The following SNAP91 variants were observed in gnomAD, a reference collection of about 807,000 sequenced individuals.
SNAP91 encodes the protein synaptosome associated protein 91.
A neutral mutation model predicts 100.3 loss-of-function variants in SNAP91; 27 were observed. That is an observed-to-expected ratio of 0.27 (90% CI 0.20 to 0.37). The LOEUF (loss-of-function observed/expected upper bound fraction) is 0.37. SNAP91 is among the 10% of genes least tolerant of loss of function. SNAP91 has a pLI of 1.00. For synonymous variants in SNAP91, 404 were observed against 398.6 expected (o/e 1.01, Z -0.16); for missense variants, 986 against 1,123.7 (o/e 0.88, Z 1.75).
intron 9 of SNAP91, 125 bp downstream of exon 9, chr6:83,623,176 T>C (rs1363564282): frequency 1.1e-5 from 7 of 653,336 alleles, no homozygotes; most frequent in Non-Finnish European, 1.9e-5. Flanking sequence ...TAGAATAATT[T>C]CCAAGAAAGT....
intron 2 of SNAP91, among the ~76,000 whole-genome samples, chr6:83,670,634 T>C (rs2098768543): frequency 6.6e-6 from 1 of 152,006 alleles, no homozygotes; most frequent in Non-Finnish European, 1.5e-5. Context: ...TTTATAGTTT[T>C]AGGGTTGTAC....
chr6:83,587,554 C>A (rs1042836991), intron 22 of SNAP91, among the ~76,000 whole-genome samples: 1 of 152,016 alleles, frequency 6.6e-6, no homozygotes, highest in Non-Finnish European at 1.5e-5. Context: ...GATCCCTCCC[C>A]CAAATAAACA....
chr6:83,675,869 A>G (rs2098871673), intron 2 of SNAP91, among the ~76,000 whole-genome samples: 1 of 47,586 alleles, frequency 2.1e-5, no homozygotes, highest in African/African-American at 7.5e-5. Flanking sequence ...CAGAGTTATA[A>G]TTAGATTCAC....
chr6:83,697,826 A>C (rs1365904701), intron 2 of SNAP91, among the ~76,000 whole-genome samples: 1 of 152,194 alleles, frequency 6.6e-6, no homozygotes, highest in Non-Finnish European at 1.5e-5. Flanking sequence ...GGAAATATGA[A>C]GCATAATAAA....
chr6:83,649,668 G>A (rs1432571854), intron 7 of SNAP91, among the ~76,000 whole-genome samples: 1 of 151,774 alleles, frequency 6.6e-6, no homozygotes, highest in Admixed American at 6.6e-5. Context: ...TGCAACCTCT[G>A]CCTCCCAGCT....
intron 2 of SNAP91, chr6:83,678,739 C>T (rs937895532): frequency 7.8e-7 from 1 of 1,289,186 alleles, no homozygotes; most frequent in African/African-American, 1.5e-5. Flanking sequence ...CACCATCTCC[C>T]AGCATTATCC....
chr6:83,621,872 C>T (rs2128403805), intron 9 of SNAP91, among the ~76,000 whole-genome samples: 1 of 152,082 alleles, frequency 6.6e-6, no homozygotes, highest in East Asian at 1.9e-4. Flanking sequence ...TTCTAAATAT[C>T]AGAGCTAAAT....
chr6:83,619,120 A>AC (rs1197798454), intron 9 of SNAP91, among the ~76,000 whole-genome samples: 1 of 152,028 alleles, frequency 6.6e-6, no homozygotes. Context: ...TCACAAAAAA[A>AC]AAATCACAAT....
intron 8 of SNAP91, among the ~76,000 whole-genome samples, chr6:83,633,156 C>T (rs2097279609): frequency 6.6e-6 from 1 of 152,158 alleles, no homozygotes; most frequent in South Asian, 2.1e-4. Flanking sequence ...TATCTCTCTT[C>T]TGGATCTAGC....
intron 14 of SNAP91, 145 bp downstream of exon 14, chr6:83,605,540 A>G: frequency 9.4e-7 from 1 of 1,058,582 alleles, no homozygotes; most frequent in Non-Finnish European, 1.4e-6. Context: ...TATTTCAATC[A>G]ATAAATGCCA....
chr6:83,635,616 T>C (rs1477089529), intron 8 of SNAP91, among the ~76,000 whole-genome samples: 2 of 152,014 alleles, frequency 1.3e-5, no homozygotes, highest in Non-Finnish European at 2.9e-5. Context: ...AGTACATCTT[T>C]TTTTTTAATC....
intron 22 of SNAP91, among the ~76,000 whole-genome samples, chr6:83,586,481 T>C (rs1257361781): frequency 6.6e-6 from 1 of 152,184 alleles, no homozygotes; most frequent in Non-Finnish European, 1.5e-5. Flanking sequence ...TGGAAAAACA[T>C]GGTTGTCCTG....
Position 83,658,956 on chromosome 6 carries a change from C to A in SNAP91, c.546+43G>T, listed in dbSNP as rs1172843491. 6 of 1,424,032 alleles carry A rather than the reference C, an allele frequency of 4.2e-6. No homozygotes were observed. In the South Asian group the frequency reaches 6.2e-5, roughly 15 times the overall value. The allele number at this position is 1,424,032 out of a possible 1,614,324, so 88.2% of individuals were successfully genotyped here. A position where few individuals can be genotyped will look rare whatever the true frequency, so the allele number is the denominator to read the frequency against. ...CTGTAGCCCATCTTCAAATGAAAGA[C>A]AACATTGATTGTGTATGAAACATTT... On this transcript the variant is annotated intron_variant, in intron 6 of 29. Coordinates refer to ENST00000369694, the MANE Select transcript of SNAP91 (RefSeq NM_001242792.2).
At position 83,649,881 on chromosome 6, in the gene SNAP91, G is replaced by A. The variant is rs1391820687; in HGVS notation, c.658+6873C>T. On this transcript the variant is annotated intron_variant, in intron 7 of 29. Coordinates refer to ENST00000369694, the MANE Select transcript of SNAP91 (RefSeq NM_001242792.2). ...TGGGATTACAGGCGTGAGCCACCAC[G>A]CCCAGCCAATTCATACCTTTTTAGG... Among the ~76,000 whole-genome samples, 12 of 152,104 alleles carry A rather than the reference G, an allele frequency of 7.9e-5. No individual in the cohort carries two copies. The East Asian group carries it at 1.5e-3, about 20-fold the overall frequency.
intron 23 of SNAP91, 71 bp downstream of exon 23, chr6:83,582,151 A>G: frequency 6.6e-7 from 1 of 1,514,464 alleles, no homozygotes; most frequent in South Asian, 1.3e-5. Flanking sequence ...CTGATAGCAT[A>G]CTAACCTTAG....
intron 9 of SNAP91, among the ~76,000 whole-genome samples, chr6:83,622,981 CTT>C (rs1421849602): frequency 6.6e-6 from 1 of 152,098 alleles, no homozygotes; most frequent in Non-Finnish European, 1.5e-5. Flanking sequence ...GAAATAGTGA[CTT>C]TTCATAGCCA....
At chr6:83,611,446 A>C (rs946438532) in intron 11 of SNAP91, 1 of 456,090 alleles carries the variant, frequency 2.2e-6, no homozygotes, top group Non-Finnish European at 4.4e-6. Flanking sequence ...ACATTTTACT[A>C]ACTTCAGTTA....
At chr6:83,655,102 T>C (rs2098360212) in intron 7 of SNAP91, among the ~76,000 whole-genome samples, 1 of 152,188 alleles carries the variant, frequency 6.6e-6, no homozygotes, top group African/African-American at 2.4e-5. Context: ...ATAAGTCACA[T>C]GCATGTCAAA....
In SNAP91 at chr6:83,576,065, T is replaced by G. The variant is rs1204943559; in HGVS notation, c.2300-12A>C. ...AGAAATTCCAAGATCTATAAATGGA[T>G]AAAAGAAAAAAGAATGTAAATCTCT... On this transcript the variant is annotated splice_polypyrimidine_tract_variant and intron_variant, in intron 24 of 29. Coordinates refer to ENST00000369694, the MANE Select transcript of SNAP91 (RefSeq NM_001242792.2). The G allele has an allele frequency of 7.6e-7, 1 of 1,309,394 alleles. No individual in the cohort carries two copies. The highest frequency in any genetic ancestry group is 1.5e-5 in the African/African-American group (1 of 66,468). 81.1% of individuals were successfully genotyped at this position (1,309,394 alleles called of 1,614,324 possible). A position where few individuals can be genotyped will look rare whatever the true frequency, so the allele number is the denominator to read the frequency against.
Sources: gnomAD v4.1 joint callset for allele counts (sites outside exome capture counted in the v4.1 genomes callset) on GRCh38, gnomAD v4.1.1 for gene constraint, MANE v1.5 for transcripts, NCBI Gene and HGNC (gene_info 2026-07-23, HGNC 2026-07-21) for gene names.